Variants in LRP3 observed in about 807,000 individuals in gnomAD.
LRP3 encodes LDL receptor related protein 3.
LRP3 carries 49 observed loss-of-function variants against 58.5 expected under a neutral mutation model. The observed-to-expected ratio is 0.84, with a 90% CI of 0.67 to 1.06. The LOEUF (loss-of-function observed/expected upper bound fraction) is 1.06, where lower values mean the gene tolerates loss of function less well. Among genes scored for constraint, LRP3 ranks in the 50% least tolerant of loss-of-function variants. The probability of loss-of-function intolerance (pLI) is 0.00; values close to 1 mark genes in which losing one functional copy is unlikely to be tolerated. For synonymous variants in LRP3, 485 were observed against 492.2 expected, an observed-to-expected ratio of 0.99 and a Z score of 0.20; for missense variants, 1,019 against 1,134.2, an observed-to-expected ratio of 0.90 and a Z score of 1.46.
chr19:33,203,003 G>A lies in LRP3; in HGVS notation c.260+17G>A. The stretch of plus-strand genomic sequence containing the variant: ...TACCATCAGGTAGGGGCACCCGGGG[G>A]TGTCGGAAGGAATCAATGTGGGCCC... On this transcript the variant is annotated intron_variant, in intron 3 of 6. Coordinates refer to ENST00000253193, the MANE Select transcript of LRP3 (RefSeq NM_002333.4). The A allele has an allele frequency of 1.9e-6, 3 of 1,611,026 alleles. No individual in the cohort carries two copies. Among genetic ancestry groups the A allele is most frequent in the Non-Finnish European group, 1.7e-6 (2 of 1,178,436 alleles).
intron 2 of LRP3, among the ~76,000 whole-genome samples, chr19:33,201,786 G>C (rs1202021069): frequency 6.6e-6 from 1 of 152,156 alleles, no homozygotes; most frequent in Non-Finnish European, 1.5e-5. Flanking sequence ...TCAAGTGCAG[G>C]GGCCAGCCGC....
At chr19:33,194,965 C>T in intron 1 of LRP3, 107 bp downstream of exon 1, 5 of 447,922 alleles carry the variant, frequency 1.1e-5, no homozygotes, top group Non-Finnish European at 1.5e-5. Flanking sequence ...CCCCCCACCG[C>T]GGTGGCTCCC....
At chr19:33,201,914 G>T (rs1042546277) in intron 2 of LRP3, among the ~76,000 whole-genome samples, 2 of 152,206 alleles carry the variant, frequency 1.3e-5, no homozygotes. Flanking sequence ...CATGGGGCTG[G>T]GCATGGAGGG....
chr19:33,206,862 G>A, intron 6 of LRP3, 126 bp from the exon 7 acceptor site: 12 of 1,105,348 alleles, frequency 1.1e-5, no homozygotes, highest in Non-Finnish European at 1.1e-5. Flanking sequence ...ATGGCCAGGT[G>A]GGGGGGGTGG....
In LRP3 at chr19:33,203,325, T is replaced by C. The variant is rs555998441; in HGVS notation, c.260+339T>C. On this transcript the variant is annotated intron_variant, in intron 3 of 6. Transcript: ENST00000253193. Reference sequence around the variant, plus strand: ...ACATGTAAGTAGGTGTGTGTGCATATGTGTGTGTGTGCATGTATGTGAACA... The same window carrying C: ...ACATGTAAGTAGGTGTGTGTGCATACGTGTGTGTGTGCATGTATGTGAACA... Among the ~76,000 whole-genome samples, 114 of 147,758 alleles carry C rather than the reference T, an allele frequency of 7.7e-4. 1 individual carries two copies. Among genetic ancestry groups the C allele is most frequent in the African/African-American group, 2.1e-3 (82 of 38,386 alleles).
chr19:33,200,938 G>A (rs750789788), intron 2 of LRP3, among the ~76,000 whole-genome samples: 4 of 152,190 alleles, frequency 2.6e-5, no homozygotes, highest in African/African-American at 7.2e-5. Context: ...CGAGCTGTCC[G>A]TGGGGGTTAC....
At position 33,205,729 on chromosome 19, in the gene LRP3, G is replaced by T; in HGVS notation, c.959G>T (p.Arg320Leu). 1.9e-6 allele frequency: 3 copies of T among 1,597,958 alleles called. No individual in the cohort carries two copies. Among genetic ancestry groups the T allele is most frequent in the Non-Finnish European group, 2.5e-6 (3 of 1,176,892 alleles). The change falls in exon 5 of 7, where the codon CGC becomes CTC. Residue 320 changes from arginine (R) to leucine (L), a missense_variant. Arg to Leu is a moderately radical substitution (Grantham distance 102). This residue lies in a region of LRP3 where 592 missense variants were observed against 725.5 expected (regional missense o/e 0.82). Coordinates refer to ENST00000253193, the MANE Select transcript of LRP3 (RefSeq NM_002333.4). ...VYEGLGERGD[R>L]LLQTLSYRSN... ...GAGGGCCTGGGCGAGCGCGGGGACC[G>T]CCTGCTGCAGACGCTGTCCTACCGC... is the stretch of plus-strand genomic sequence containing the variant.
intron 2 of LRP3, among the ~76,000 whole-genome samples, chr19:33,197,067 C>T (rs1974293499): frequency 6.6e-6 from 1 of 152,190 alleles, no homozygotes; most frequent in Non-Finnish European, 1.5e-5. Flanking sequence ...TGGCTTTATA[C>T]CACCGGCAAG....
intron 2 of LRP3, among the ~76,000 whole-genome samples, chr19:33,200,341 C>A (rs560091469): frequency 4.6e-5 from 7 of 152,210 alleles, no homozygotes; most frequent in Admixed American, 6.5e-5. Context: ...AAGCGATTCT[C>A]CTGCCTCGGC....
intron 2 of LRP3, among the ~76,000 whole-genome samples, chr19:33,202,558 G>A (rs1974351787): frequency 1.3e-5 from 2 of 152,192 alleles, no homozygotes; most frequent in Admixed American, 1.3e-4. Flanking sequence ...CGGGTTGTTG[G>A]TGGGTTTTCT....
In LRP3 at chr19:33,204,810, A is replaced by G. The variant is rs1287440607; in HGVS notation, c.433A>G (p.Ser145Gly). The part of the protein sequence containing the change: ...VWIFFHSDAS[S>G]SGQAQGFRLS... The stretch of plus-strand genomic sequence containing the variant: ...GATTTTCTTCCACTCAGACGCCTCC[A>G]GCTCCGGCCAGGCCCAGGGCTTCCG... Residue 145 changes from serine (S) to glycine (G), a missense_variant, in exon 4 of 7, where the codon AGC (serine) becomes GGC (glycine). Transcript: ENST00000253193. 1 of 1,613,592 alleles carries G rather than the reference A, an allele frequency of 6.2e-7. No homozygotes were observed. The highest frequency in any genetic ancestry group is 1.1e-5 in the South Asian group (1 of 91,080).
In LRP3 at chr19:33,206,065, C is replaced by G. The variant is rs377745474; in HGVS notation, c.1295C>G (p.Thr432Arg). 3.7e-6 allele frequency: 6 copies of G among 1,605,140 alleles called. No individual in the cohort carries two copies. In the South Asian group the frequency reaches 6.7e-5, roughly 18 times the overall value. Residue 432 changes from threonine to arginine, a missense_variant, in exon 5 of 7, where the codon ACG (threonine) becomes AGG (arginine). Physicochemically the swap from Thr to Arg is moderately conservative, Grantham distance 71. Transcript: ENST00000253193. ...GAGGGTGGCAGTGGTCTGTGCTACA[C>G]GCCTGCCGACCGCTGCAACAACCAG... Reference protein sequence around the residue: ...PCEGGSGLCYTPADRCNNQKS... With the variant: ...PCEGGSGLCYRPADRCNNQKS...
intron 1 of LRP3, among the ~76,000 whole-genome samples, chr19:33,196,290 T>C (rs1303614234): frequency 6.6e-6 from 1 of 152,108 alleles, no homozygotes; most frequent in Non-Finnish European, 1.5e-5. Context: ...CGGTGGCAGG[T>C]GCCTGTAATC....
intron 2 of LRP3, among the ~76,000 whole-genome samples, chr19:33,201,553 G>A (rs1974341793): frequency 6.6e-6 from 1 of 152,206 alleles, no homozygotes; most frequent in African/African-American, 2.4e-5. Context: ...GGGTGCCAGA[G>A]AGTCTTGCTG....
intron 3 of LRP3, among the ~76,000 whole-genome samples, chr19:33,203,520 G>A (rs538896616): frequency 3.3e-5 from 5 of 152,354 alleles, no homozygotes; most frequent in East Asian, 1.9e-4. Flanking sequence ...TGTGTGAACC[G>A]TAAGCATGTA....
Position 33,207,677 on chromosome 19 carries a change from C to A in LRP3, c.*102C>A. ...CGTCCTTTCTTATGGAGAGGCCCTCCGGGGACCCCAGCGGAGGGGCTGGCC... is the reference window on the plus strand; with the variant it reads ...CGTCCTTTCTTATGGAGAGGCCCTCAGGGGACCCCAGCGGAGGGGCTGGCC... On this transcript the variant is annotated 3_prime_UTR_variant, in exon 7 of 7. Coordinates refer to ENST00000253193, the MANE Select transcript of LRP3 (RefSeq NM_002333.4). 1.0e-6 allele frequency: 1 copy of A among 959,582 alleles called. No individual in the cohort carries two copies. The highest frequency in any genetic ancestry group is 1.6e-6 in the Non-Finnish European group (1 of 633,476). The allele number at this position is 959,582 out of a possible 1,614,324, so 59.4% of individuals were successfully genotyped here.
In LRP3 at chr19:33,207,267, A is replaced by G. The variant is rs747123362; in HGVS notation, c.2005A>G (p.Ser669Gly). 1.3e-5 allele frequency: 20 copies of G among 1,552,720 alleles called. No individual in the cohort carries two copies. The highest frequency in any genetic ancestry group is 1.6e-5 in the Non-Finnish European group (18 of 1,157,266). The change falls in exon 7 of 7, where the codon AGT (serine) becomes GGT (glycine). Residue 669 changes from serine to glycine, a missense_variant. By Grantham distance (56) the Ser-to-Gly change is moderately conservative. This residue lies in a region of LRP3 where 427 missense variants were observed against 408.6 expected (regional missense o/e 1.04). Coordinates refer to ENST00000253193, the MANE Select transcript of LRP3 (RefSeq NM_002333.4). ...STRAAGDRPP[S>G]APGRAPEVGP... ...CAGGGCGGCCGGAGACAGGCCCCCCAGTGCCCCCGGCCGTGCACCGGAGGT... is the reference window on the plus strand; with the variant it reads ...CAGGGCGGCCGGAGACAGGCCCCCCGGTGCCCCCGGCCGTGCACCGGAGGT...
chr19:33,196,868 C>A, intron 2 of LRP3, 91 bp downstream of exon 2: 1 of 1,173,862 alleles, frequency 8.5e-7, no homozygotes, highest in Non-Finnish European at 1.3e-6. Flanking sequence ...CCTGGCACTA[C>A]CCCGAGTTCC....
chr19:33,200,942 G>A (rs1974335123), intron 2 of LRP3, among the ~76,000 whole-genome samples: 1 of 152,182 alleles, frequency 6.6e-6, no homozygotes, highest in African/African-American at 2.4e-5. Context: ...CTGTCCGTGG[G>A]GGTTACTGGC....
Sources: gnomAD v4.1 joint callset for allele counts (sites outside exome capture counted in the v4.1 genomes callset) on GRCh38, gnomAD v4.1.1 for gene constraint, gnomAD v4.1.1 regional missense constraint, MANE v1.5 for transcripts, NCBI Gene and HGNC (gene_info 2026-07-23, HGNC 2026-07-21) for gene names.